Variants in FAM193A observed in about 807,000 individuals in gnomAD.
FAM193A encodes the protein protein FAM193A.
In FAM193A, 22 loss-of-function variants were observed where a neutral mutation model predicts 126.5. The observed-to-expected ratio is 0.17, with a 90% confidence interval of 0.12 to 0.25. FAM193A has a LOEUF of 0.25. Among genes scored for constraint, FAM193A ranks in the 10% least tolerant of loss-of-function variants. The pLI, the probability that FAM193A is intolerant of heterozygous loss-of-function variation, is 1.00. For missense variants in FAM193A, 1,675 were observed against 1,672.8 expected (o/e 1.00, Z -0.02); for synonymous variants, 761 against 646.8 (o/e 1.18, Z -2.68).
chr4:2,634,386 A>G lies in FAM193A; in HGVS notation c.1038+3217A>G, dbSNP rs150444562. On this transcript the variant is annotated intron_variant, in intron 5 of 20. Coordinates refer to ENST00000637812, the MANE Select transcript of FAM193A (RefSeq NM_001366318.2). ...CAATCTGACCTCAGAGAATTCGAAT[A>G]GATAAAATCCCCCCAAATGAGCAGC... Among the ~76,000 whole-genome samples the G allele has an allele frequency of 3.2e-3, 494 of 152,320 alleles. 5 individuals carry two copies. Among genetic ancestry groups the G allele is most frequent in the Middle Eastern group, 0.017 (5 of 294 alleles).
rs562121328 is a variant in FAM193A, at chr4:2,605,903, G to A, written c.501+9574G>A. Among the ~76,000 whole-genome samples, 147 of 140,972 alleles carry A rather than the reference G, an allele frequency of 1.0e-3. 2 individuals carry two copies. The highest frequency in any genetic ancestry group is 3.5e-4 in the Non-Finnish European group (23 of 65,532). The allele number at this position is 140,972 out of a possible 152,430, so 92.5% of individuals were successfully genotyped here. A position where few individuals can be genotyped will look rare whatever the true frequency, so the allele number is the denominator to read the frequency against. On this transcript the variant is annotated intron_variant, in intron 2 of 20. Transcript: ENST00000637812. ...GGAGAATCACTTGAACCTAGGAGGT[G>A]GAGGTTGCAGTGAGCTGAGATTGCA...
intron 6 of FAM193A, among the ~76,000 whole-genome samples, chr4:2,645,526 CTTTTTTTCTTTT>C (rs1745049165): frequency 6.6e-6 from 1 of 150,780 alleles, no homozygotes; most frequent in Admixed American, 6.6e-5. Context: ...TTTTTTCTTT[CTTTTTTTCTTTT>C]TTTATTGAGG....
At chr4:2,694,467 C>T (rs142214405) in intron 16 of FAM193A, among the ~76,000 whole-genome samples, 407 of 152,144 alleles carry the variant, frequency 2.7e-3, no homozygotes, top group African/African-American at 7.7e-3. Flanking sequence ...TGGGGTTTCA[C>T]CATGTTGGCC....
intron 13 of FAM193A, among the ~76,000 whole-genome samples, chr4:2,686,623 GT>G (rs1715771546): frequency 6.6e-6 from 1 of 152,228 alleles, no homozygotes; most frequent in Non-Finnish European, 1.5e-5. Context: ...ACACACATGG[GT>G]GGTGGAGCCC....
chr4:2,559,514 T>C (rs981877615), intron 1 of FAM193A, among the ~76,000 whole-genome samples: 10 of 152,186 alleles, frequency 6.6e-5, no homozygotes, highest in African/African-American at 2.4e-4. Flanking sequence ...CATTGTCAAC[T>C]TGACTTCCTG....
chr4:2,575,228 C>T (rs1056254612), intron 1 of FAM193A, among the ~76,000 whole-genome samples: 11 of 152,198 alleles, frequency 7.2e-5, no homozygotes, highest in African/African-American at 1.9e-4. Context: ...GGTGACGAGA[C>T]GGTGGAAGAG....
intron 19 of FAM193A, among the ~76,000 whole-genome samples, chr4:2,711,975 G>A (rs192953693): frequency 2.6e-5 from 4 of 152,198 alleles, no homozygotes; most frequent in East Asian, 1.9e-4. Context: ...TCTTTCACTC[G>A]ATAGTGTAAT....
At chr4:2,686,439 C>A (rs1715747689) in intron 13 of FAM193A, among the ~76,000 whole-genome samples, 1 of 152,160 alleles carries the variant, frequency 6.6e-6, no homozygotes, top group Non-Finnish European at 1.5e-5. Context: ...AAAGAGTTCA[C>A]AGTCTAAAGA....
At chr4:2,657,938 A>G in intron 8 of FAM193A, 58 bp downstream of exon 8, 1 of 1,167,828 alleles carries the variant, frequency 8.6e-7, no homozygotes, top group Admixed American at 1.9e-5. Flanking sequence ...CTGACAGCAA[A>G]TGACTTCTCT....
intron 20 of FAM193A, among the ~76,000 whole-genome samples, chr4:2,729,149 C>G (rs896052335): frequency 2.0e-5 from 3 of 152,076 alleles, no homozygotes; most frequent in African/African-American, 7.2e-5. Flanking sequence ...AGCTGGTGAT[C>G]AGCAGCTTCC....
chr4:2,720,748 C>G (rs1415364602), intron 20 of FAM193A, among the ~76,000 whole-genome samples: 1 of 152,072 alleles, frequency 6.6e-6, no homozygotes, highest in East Asian at 1.9e-4. Flanking sequence ...AAATCTCTCA[C>G]TATCCACAGA....
intron 2 of FAM193A, among the ~76,000 whole-genome samples, chr4:2,624,579 T>C (rs1742774603): frequency 6.6e-6 from 1 of 152,248 alleles, no homozygotes; most frequent in Non-Finnish European, 1.5e-5. Flanking sequence ...TACCATGTGC[T>C]GTCTCAGGCA....
chr4:2,610,398 G>A (rs1369716460), intron 2 of FAM193A, among the ~76,000 whole-genome samples: 1 of 152,182 alleles, frequency 6.6e-6, no homozygotes, highest in African/African-American at 2.4e-5. Context: ...GCCCTGTTGG[G>A]TTTTAGGTCA....
Position 2,662,875 on chromosome 4 carries a change from A to G in FAM193A, c.1783A>G (p.Lys595Glu), listed in dbSNP as rs999378621. Reference sequence around the variant, plus strand: ...TGAAGATGTTGCACCATTGTCAGCCAAATTTGCTGATATTTATCCATTGAG... The same window carrying G: ...TGAAGATGTTGCACCATTGTCAGCCGAATTTGCTGATATTTATCCATTGAG... ...DDEDVAPLSA[K>E]FADIYPLSNY... Residue 595 changes from lysine to glutamate, a missense_variant, in exon 11 of 21, where the codon AAA (lysine) becomes GAA (glutamate). This residue lies in a region of FAM193A where 1,186 missense variants were observed against 1,109.2 expected (regional missense o/e 1.07). Transcript: ENST00000637812. The G allele has an allele frequency of 8.7e-6, 14 of 1,611,808 alleles. No homozygotes were observed. Among genetic ancestry groups the G allele is most frequent in the Non-Finnish European group, 1.2e-5 (14 of 1,178,144 alleles).
chr4:2,723,137 G>A (rs1720344407), intron 20 of FAM193A, among the ~76,000 whole-genome samples: 1 of 152,164 alleles, frequency 6.6e-6, no homozygotes, highest in Admixed American at 6.6e-5. Flanking sequence ...AGCCGGGTGT[G>A]GTGGCAGGTG....
chr4:2,684,365 T>C (rs1414992774), intron 13 of FAM193A, among the ~76,000 whole-genome samples: 1 of 152,162 alleles, frequency 6.6e-6, no homozygotes, highest in African/African-American at 2.4e-5. Flanking sequence ...TATTTATAAG[T>C]TTTAATTTAC....
chr4:2,632,194 C>T (rs1228975979), intron 5 of FAM193A, among the ~76,000 whole-genome samples: 1 of 152,026 alleles, frequency 6.6e-6, no homozygotes, highest in Non-Finnish European at 1.5e-5. Context: ...TAGTGGTAAA[C>T]CTACATTTTG....
intron 2 of FAM193A, among the ~76,000 whole-genome samples, chr4:2,602,140 A>G (rs528861080): frequency 6.6e-6 from 1 of 152,090 alleles, no homozygotes; most frequent in African/African-American, 2.4e-5. Context: ...CACCCAGGCA[A>G]TTATTGCTAT....
intron 2 of FAM193A, among the ~76,000 whole-genome samples, chr4:2,618,740 C>T (rs1431049102): frequency 2.0e-5 from 3 of 151,996 alleles, no homozygotes; most frequent in East Asian, 1.9e-4. Context: ...GGATTACAGG[C>T]GTGTGCCATC....
Sources: allele counts gnomAD v4.1 joint callset (sites outside exome capture counted in the v4.1 genomes callset), GRCh38; gene constraint gnomAD v4.1.1; regional missense constraint gnomAD v4.1.1; transcripts MANE v1.5; gene names NCBI Gene and HGNC (gene_info 2026-07-23, HGNC 2026-07-21).